Variants in SPIN3 observed in about 807,000 individuals in gnomAD.
SPIN3 encodes the protein spindlin family member 3, also known as spindlin-3.
For synonymous variants in SPIN3, 74 were observed against 74.3 expected, an observed-to-expected ratio of 1.00 and a Z score of 0.02; for missense variants, 176 against 196.4, an observed-to-expected ratio of 0.90 and a Z score of 0.62.
downstream of SPIN3, among the ~76,000 whole-genome samples, chrX:56,986,314 C>T (rs992571265): frequency 1.8e-5 from 2 of 111,522 alleles, no homozygotes; most frequent in Admixed American, 9.6e-5. Context: ...TGAGTCATGG[C>T]GAAAATCACA....
In SPIN3 at chrX:56,994,654, A is replaced by G. The variant is rs779411275; in HGVS notation, c.294T>C (p.Leu98=). The G allele has an allele frequency of 8.3e-7, 1 of 1,212,017 alleles. No individual in the cohort carries two copies. ...DGFDCVYGLE[L]HRDERVSSLE... is the part of the protein sequence containing the mutation. The stretch of plus-strand genomic sequence containing the variant: ...GTGATGACACTCTTTCATCTCTGTG[A>G]AGTTCCAATCCATAAACACAGTCAA... The change falls in exon 2 of 2, where the codon CTT becomes CTC. Residue 98 remains leucine (L), a synonymous_variant. Coordinates refer to ENST00000374919, the MANE Select transcript of SPIN3 (RefSeq NM_001010862.3).
At chrX:56,975,982 G>A (rs1369224116), downstream of SPIN3, 3 of 111,698 alleles carry the variant, frequency 2.7e-5, no homozygotes, top group African/African-American at 9.8e-5. Flanking sequence ...ACACCAATGT[G>A]TATGGTTCTC....
Position 56,994,263 on chromosome X carries a change from T to A in SPIN3, c.685A>T (p.Ile229Phe). ...DDGSKRTGMV[I>F]HQVEAKPSVY... The stretch of plus-strand genomic sequence containing the variant: ...GAGGGTTTTGCTTCTACCTGATGAA[T>A]GACCATGCCAGTTCTCTTGGAGCCA... Residue 229 changes from isoleucine to phenylalanine, a missense_variant, in exon 2 of 2, where the codon ATT becomes TTT. Ile to Phe is a conservative substitution (Grantham distance 21, BLOSUM62 0). Coordinates refer to ENST00000374919, the MANE Select transcript of SPIN3 (RefSeq NM_001010862.3). 8.3e-7 allele frequency: 1 copy of A among 1,212,034 alleles called. No homozygotes were observed. The highest frequency in any genetic ancestry group is 1.1e-6 in the Non-Finnish European group (1 of 895,609).
rs1238690902 is a variant in SPIN3, at chrX:56,992,534, G to A, written c.*1637C>T. ...CATCTTCTTTGTTTCATCCTCAGCA[G>A]GATGCCAATCTGTGCCGGTAGTCTG... On this transcript the variant is annotated 3_prime_UTR_variant, in exon 2 of 2. Transcript: ENST00000374919. 3 of 295,493 alleles carry A rather than the reference G, an allele frequency of 1.0e-5. No individual in the cohort carries two copies. Among genetic ancestry groups the A allele is most frequent in the African/African-American group, 2.8e-5 (1 of 36,269 alleles). 24.4% of individuals were successfully genotyped at this position (295,493 alleles called of 1,213,427 possible).
At chrX:56,982,363 T>G (rs1057247051) in intron 3 of SPIN3, 1 of 111,225 alleles carries the variant, frequency 9.0e-6, no homozygotes, top group Non-Finnish European at 1.9e-5. Flanking sequence ...ACCTGCCACT[T>G]CCCTTCTCAG....
At chrX:56,976,876 T>C (rs1924017587) in exon 6 of SPIN3, 1 of 111,813 alleles carries the variant, frequency 8.9e-6, no homozygotes, top group African/African-American at 3.2e-5. Context: ...TCAGTATAGA[T>C]TTAGTAAAAT....
In SPIN3 at chrX:56,994,145, A is replaced by G; in HGVS notation, c.*26T>C. ...TGTGTCTACAGATTTAGAGTCTCAT[A>G]TATTTGGCAAATTTCAAGATGACCT... is the stretch of plus-strand genomic sequence containing the variant. On this transcript the variant is annotated 3_prime_UTR_variant, in exon 2 of 2. Transcript: ENST00000374919. 1 of 1,166,034 alleles carries G rather than the reference A, an allele frequency of 8.6e-7. No homozygotes were observed. Among genetic ancestry groups the G allele is most frequent in the Non-Finnish European group, 1.2e-6 (1 of 868,534 alleles).
At chrX:56,983,714 G>A (rs1437674910) in intron 3 of SPIN3, among the ~76,000 whole-genome samples, 1 of 112,595 alleles carries the variant, frequency 8.9e-6, no homozygotes, top group Admixed American at 9.4e-5. Flanking sequence ...ACAGACCTGA[G>A]TAGTGGGATG....
downstream of SPIN3, among the ~76,000 whole-genome samples, chrX:56,990,343 G>C (rs1181586963): frequency 3.6e-5 from 4 of 111,547 alleles, no homozygotes; most frequent in Non-Finnish European, 7.5e-5. Flanking sequence ...CTGAGCTCTA[G>C]ATTTTTTTTA....
At chrX:56,977,330 T>C (rs1032459634) in intron 5 of SPIN3, 12 of 112,124 alleles carry the variant, frequency 1.1e-4, no homozygotes, top group Non-Finnish European at 3.8e-5. Context: ...ACTGTCCCAA[T>C]ATATATCAAC....
Position 56,992,266 on chromosome X carries a change from TTAA to T in SPIN3, c.*1902_*1904del. The T allele has an allele frequency of 3.4e-6, 1 of 297,066 alleles. No homozygotes were observed. Among genetic ancestry groups the T allele is most frequent in the Non-Finnish European group, 5.9e-6 (1 of 170,228 alleles). The allele number at this position is 297,066 out of a possible 1,213,427, so 24.5% of individuals were successfully genotyped here. A position where few individuals can be genotyped will look rare whatever the true frequency, so the allele number is the denominator to read the frequency against. On this transcript the variant is annotated 3_prime_UTR_variant, in exon 2 of 2. Coordinates refer to ENST00000374919, the MANE Select transcript of SPIN3 (RefSeq NM_001010862.3). ...ACCCCACAATTGCATGTCATACATA[TTAA>T]AGAGTCCAAAGGGTCAAGAAGACAT... is the stretch of plus-strand genomic sequence containing the variant.
intron 5 of SPIN3, chrX:56,977,767 G>A (rs745593317): frequency 2.7e-4 from 30 of 111,323 alleles, no homozygotes; most frequent in African/African-American, 9.8e-4. Flanking sequence ...TATCATGGAA[G>A]TAGAACTGGT....
chrX:56,976,328 G>A (rs764147127), downstream of SPIN3: 1 of 111,649 alleles, frequency 9.0e-6, no homozygotes, highest in Non-Finnish European at 1.9e-5. Context: ...GATTGGTACA[G>A]GGATATTTCT....
intron 5 of SPIN3, chrX:56,977,345 A>C (rs1322100225): frequency 8.9e-6 from 1 of 112,158 alleles, no homozygotes; most frequent in Non-Finnish European, 1.9e-5. Context: ...ATCAACAAGG[A>C]TTTGCTAAAT....
Position 56,994,517 on chromosome X carries a change from T to C in SPIN3, c.431A>G (p.Lys144Arg), listed in dbSNP as rs1383679911. 9.9e-6 allele frequency: 12 copies of C among 1,210,348 alleles called. No homozygotes were observed. Among genetic ancestry groups the C allele is most frequent in the Non-Finnish European group, 1.2e-5 (11 of 895,343 alleles). ...TAAGACCATCCCCCTCCATTCATTTTTGGAACCTTCCTCTGTCTCAAAAAT... is the reference window on the plus strand; with the variant it reads ...TAAGACCATCCCCCTCCATTCATTTCTGGAACCTTCCTCTGTCTCAAAAAT... ...EHIFETEEGS[K>R]NEWRGMVLAQ... Residue 144 changes from lysine (K) to arginine (R), a missense_variant, in exon 2 of 2, where the codon AAA becomes AGA. By Grantham distance (26) the Lys-to-Arg change is conservative. Transcript: ENST00000374919.
rs1380457601 is a variant in SPIN3 at position 56,994,582 on chromosome X, T to C, written c.366A>G (p.Thr122=). Residue 122 remains threonine, a synonymous_variant, in exon 2 of 2, where the codon ACA becomes ACG. Coordinates refer to ENST00000374919, the MANE Select transcript of SPIN3 (RefSeq NM_001010862.3). ...TGCCAACCATTATTTCTGCCAAGTG[T>C]GTATCACTGATTCTAGATGATGCAA... The part of the protein sequence containing the change: ...NRVASSRISD[T]HLAEIMVGKA... The C allele has an allele frequency of 8.3e-7, 1 of 1,211,929 alleles. No individual in the cohort carries two copies. The highest frequency in any genetic ancestry group is 1.1e-6 in the Non-Finnish European group (1 of 895,584).
rs372238582 is a variant in SPIN3, at chrX:56,994,665, C to G, written c.283G>C (p.Gly95Arg). The change falls in exon 2 of 2, where the codon GGA becomes CGA. Residue 95 changes from glycine to arginine, a missense_variant. Transcript: ENST00000374919. ...CTTTCATCTCTGTGAAGTTCCAATC[C>G]ATAAACACAGTCAAATCCATCATAT... ...IKYDGFDCVY[G>R]LELHRDERVS... 1.2e-5 allele frequency: 14 copies of G among 1,211,824 alleles called. No individual in the cohort carries two copies. Among genetic ancestry groups the G allele is most frequent in the Non-Finnish European group, 1.6e-5 (14 of 895,530 alleles).
exon 5 of SPIN3, chrX:56,978,316 A>G (rs1010785340): frequency 9.0e-6 from 1 of 111,553 alleles, no homozygotes; most frequent in African/African-American, 3.3e-5. Context: ...AAGAAAAAGT[A>G]CTCCTTTCAG....
chrX:56,978,325 A>G (rs2146828136), exon 5 of SPIN3: 1 of 112,054 alleles, frequency 8.9e-6, no homozygotes, highest in African/African-American at 3.2e-5. Flanking sequence ...TACTCCTTTC[A>G]GTATCTGGAG....
Sources: gnomAD v4.1 joint callset for allele counts (sites outside exome capture counted in the v4.1 genomes callset) on GRCh38, gnomAD v4.1.1 for gene constraint, MANE v1.5 for transcripts, NCBI Gene and HGNC (gene_info 2026-07-23, HGNC 2026-07-21) for gene names.